Variants in PDS5A observed in about 807,000 individuals in gnomAD.
The protein encoded by PDS5A is sister chromatid cohesion protein PDS5 homolog A.
Under a neutral mutation model 167.1 loss-of-function variants are expected in PDS5A, and 42 were observed. The ratio of observed to expected loss-of-function variants is 0.25; its 90% confidence interval spans 0.20 to 0.33. The LOEUF is 0.33. Ranked by LOEUF, PDS5A falls within the 10% of genes least tolerant of loss-of-function variation. The pLI, the probability that PDS5A is intolerant of heterozygous loss-of-function variation, is 1.00. For missense variants in PDS5A, 1,033 were observed against 1,605.9 expected, an observed-to-expected ratio of 0.64 and a Z score of 6.10; for synonymous variants, 553 against 554.6, an observed-to-expected ratio of 1.00 and a Z score of 0.04.
intron 11 of PDS5A, among the ~76,000 whole-genome samples, chr4:39,905,605 C>G (rs1156868542): frequency 6.6e-6 from 1 of 152,052 alleles, no homozygotes; most frequent in African/African-American, 2.4e-5. Context: ...CAAGGATCAT[C>G]AGACCTTTGA....
At chr4:39,831,273 G>T (rs1297840160) in intron 32 of PDS5A, among the ~76,000 whole-genome samples, 2 of 152,072 alleles carry the variant, frequency 1.3e-5, no homozygotes, top group Non-Finnish European at 2.9e-5. Context: ...GCTAAATTTT[G>T]TATTTTTATT....
intron 2 of PDS5A, among the ~76,000 whole-genome samples, chr4:39,975,021 T>C (rs1200147594): frequency 2.0e-5 from 3 of 151,070 alleles, no homozygotes; most frequent in African/African-American, 7.3e-5. Context: ...TGAGGCAGAA[T>C]TGCTTGAACC....
At chr4:39,835,265 C>T (rs1716285718) in intron 32 of PDS5A, among the ~76,000 whole-genome samples, 1 of 151,994 alleles carries the variant, frequency 6.6e-6, no homozygotes, top group African/African-American at 2.4e-5. Flanking sequence ...AATTTAACCA[C>T]CTACTGTCAC....
chr4:39,831,908 T>C (rs1349917493), intron 32 of PDS5A, among the ~76,000 whole-genome samples: 1 of 63,828 alleles, frequency 1.6e-5, no homozygotes, highest in Admixed American at 1.8e-4. Flanking sequence ...AAAAAAAGAA[T>C]ATTAGGGGTC....
chr4:39,935,424 A>C (rs62309190), intron 2 of PDS5A, among the ~76,000 whole-genome samples: 4,081 of 152,274 alleles, frequency 0.027, 65 homozygotes, highest in Non-Finnish European at 0.045. Flanking sequence ...GAAAAGTTTT[A>C]TAGTTTTAGG....
At chr4:39,860,337 C>T (rs564672339) in intron 26 of PDS5A, among the ~76,000 whole-genome samples, 100 of 151,838 alleles carry the variant, frequency 6.6e-4, no homozygotes, top group African/African-American at 2.1e-3. Flanking sequence ...TGGTGGTACA[C>T]GTCTGTAGTG....
chr4:39,926,218 A>T (rs1237317846), intron 4 of PDS5A, among the ~76,000 whole-genome samples: 2 of 152,070 alleles, frequency 1.3e-5, no homozygotes, highest in Non-Finnish European at 2.9e-5. Context: ...AGAATAGAAA[A>T]AAATAAAAAT....
chr4:39,895,787 A>G (rs1276216804), intron 16 of PDS5A, among the ~76,000 whole-genome samples: 1 of 151,930 alleles, frequency 6.6e-6, no homozygotes, highest in Non-Finnish European at 1.5e-5. Context: ...GCATGATCTC[A>G]GCTCATTACA....
chr4:39,846,788 T>C (rs1175248078), intron 28 of PDS5A: 2 of 152,190 alleles, frequency 1.3e-5, no homozygotes, highest in African/African-American at 4.8e-5. Flanking sequence ...ATATTTTTTA[T>C]TGTATTAAAT....
chr4:39,839,614 T>A (rs1023776886), intron 31 of PDS5A, among the ~76,000 whole-genome samples: 1 of 151,980 alleles, frequency 6.6e-6, no homozygotes, highest in Non-Finnish European at 1.5e-5. Flanking sequence ...AGAGTTTGGA[T>A]AGGAAAAGTT....
chr4:39,975,106 CAAAAAAA>C (rs57418654), intron 2 of PDS5A, among the ~76,000 whole-genome samples: 1 of 85,246 alleles, frequency 1.2e-5, no homozygotes, highest in Admixed American at 1.4e-4. Context: ...GACTCCGTCT[CAAAAAAA>C]AAAAAAAAAA....
chr4:39,934,653 TCAAA>T (rs1303037903), intron 2 of PDS5A, among the ~76,000 whole-genome samples: 1 of 147,904 alleles, frequency 6.8e-6, no homozygotes, highest in African/African-American at 2.5e-5. Flanking sequence ...CAGGAAAAAA[TCAAA>T]CTAAGTTTTT....
chr4:39,911,312 C>A (rs1270421380), intron 9 of PDS5A, among the ~76,000 whole-genome samples: 1 of 151,690 alleles, frequency 6.6e-6, no homozygotes, highest in African/African-American at 2.4e-5. Context: ...AGGAGAATTG[C>A]TTGAACCCGC....
chr4:39,832,404 G>A (rs1056071438), intron 32 of PDS5A, among the ~76,000 whole-genome samples: 1 of 151,546 alleles, frequency 6.6e-6, no homozygotes, highest in Non-Finnish European at 1.5e-5. Context: ...TAGTAGAGAC[G>A]GGATTTCACC....
chr4:39,906,880 G>A (rs9996801), intron 11 of PDS5A, among the ~76,000 whole-genome samples: 139,519 of 145,972 alleles, frequency 0.96, 66,667 homozygotes, highest in East Asian at 0.99. Context: ...TTGTTCCTAT[G>A]TAACAGGTTA....
chr4:39,908,132 T>C (rs1166632999), intron 11 of PDS5A, among the ~76,000 whole-genome samples: 1 of 152,168 alleles, frequency 6.6e-6, no homozygotes. Flanking sequence ...AGGTAAAATT[T>C]TGATTAACTT....
chr4:39,930,246 A>ATTTTTTTTTT, intron 2 of PDS5A, among the ~76,000 whole-genome samples: 2 of 93,162 alleles, frequency 2.1e-5, no homozygotes, highest in African/African-American at 3.7e-5. Flanking sequence ...AAAAAAAAAA[A>ATTTTTTTTTT]GTTTTTTTGT....
intron 26 of PDS5A, among the ~76,000 whole-genome samples, chr4:39,854,478 C>T (rs573216670): frequency 3.3e-4 from 50 of 152,232 alleles, no homozygotes; most frequent in African/African-American, 1.0e-3. Context: ...AATATTCTTC[C>T]TCCAGGTCGT....
At chr4:39,965,386 G>A (rs776995073) in intron 2 of PDS5A, among the ~76,000 whole-genome samples, 2 of 152,176 alleles carry the variant, frequency 1.3e-5, no homozygotes, top group Non-Finnish European at 2.9e-5. Context: ...ATACCAATGA[G>A]TGAGCCCAGT....
Sources: allele counts gnomAD v4.1 joint callset (sites outside exome capture counted in the v4.1 genomes callset), GRCh38; gene constraint gnomAD v4.1.1; transcripts MANE v1.5; gene names NCBI Gene and HGNC (gene_info 2026-07-23, HGNC 2026-07-21).